Variants in THSD7B observed in about 807,000 individuals in gnomAD.
The protein encoded by THSD7B is thrombospondin type 1 domain containing 7B.
A neutral mutation model predicts 213.6 loss-of-function variants in THSD7B; 138 were observed. That is an observed-to-expected ratio of 0.65 (90% CI 0.56 to 0.74). The LOEUF (loss-of-function observed/expected upper bound fraction) is 0.74, where lower values mean the gene tolerates loss of function less well. Ranked by LOEUF, THSD7B falls within the 30% of genes least tolerant of loss-of-function variation. THSD7B has a pLI of 0.00. For missense variants in THSD7B, 1,931 were observed against 1,991.5 expected, an observed-to-expected ratio of 0.97 and a Z score of 0.58; for synonymous variants, 742 against 687.0, an observed-to-expected ratio of 1.08 and a Z score of -1.25.
chr2:137,242,952 T>C (rs891278096), intron 10 of THSD7B, among the ~76,000 whole-genome samples: 1 of 152,170 alleles, frequency 6.6e-6, no homozygotes, highest in Admixed American at 6.5e-5. Flanking sequence ...CATTAGAATA[T>C]AGGGCTCGAA....
intron 5 of THSD7B, among the ~76,000 whole-genome samples, chr2:137,155,242 C>T (rs973481238): frequency 5.3e-5 from 8 of 152,104 alleles, no homozygotes; most frequent in African/African-American, 1.7e-4. Context: ...GTCTACCAAA[C>T]CTAAATAGCC....
At chr2:136,949,811 T>A (rs34139441) in intron 2 of THSD7B, among the ~76,000 whole-genome samples, 1 of 152,216 alleles carries the variant, frequency 6.6e-6, no homozygotes, top group South Asian at 2.1e-4. Flanking sequence ...AGAAATACCA[T>A]TGGACCCAGC....
intron 5 of THSD7B, among the ~76,000 whole-genome samples, chr2:137,153,883 A>G (rs1365174826): frequency 2.0e-5 from 3 of 152,124 alleles, no homozygotes. Flanking sequence ...CATTAGTTTC[A>G]AATTAAATTT....
chr2:136,929,273 T>C (rs1049525856), intron 2 of THSD7B, among the ~76,000 whole-genome samples: 12 of 152,184 alleles, frequency 7.9e-5, no homozygotes, highest in African/African-American at 2.9e-4. Context: ...GTAAAACAGA[T>C]GGTTGCTTTA....
intron 1 of THSD7B, among the ~76,000 whole-genome samples, chr2:136,818,110 C>A (rs62171211): frequency 0.3 from 43,454 of 146,140 alleles, 6,699 homozygotes; most frequent in Non-Finnish European, 0.34. Flanking sequence ...ATGTTTATTG[C>A]GGCATTATTC....
chr2:136,924,634 T>C (rs544165377), intron 2 of THSD7B, among the ~76,000 whole-genome samples: 24 of 152,224 alleles, frequency 1.6e-4, no homozygotes, highest in Non-Finnish European at 3.4e-4. Flanking sequence ...GCCTTATTTT[T>C]TTTCAAGATT....
At chr2:136,857,370 A>G (rs1276997713) in intron 1 of THSD7B, among the ~76,000 whole-genome samples, 4 of 152,190 alleles carry the variant, frequency 2.6e-5, no homozygotes, top group Non-Finnish European at 5.9e-5. Context: ...TGGTAACCAC[A>G]TGCCTGCGTT....
intron 14 of THSD7B, among the ~76,000 whole-genome samples, chr2:137,433,090 A>T (rs34385125): frequency 0.012 from 1,867 of 152,304 alleles, 18 homozygotes; most frequent in Non-Finnish European, 0.02. Context: ...GTAGTTGAGG[A>T]AGATATTAAG....
chr2:137,184,292 CAT>C (rs2105008472), intron 7 of THSD7B, among the ~76,000 whole-genome samples: 1 of 152,286 alleles, frequency 6.6e-6, no homozygotes, highest in East Asian at 1.9e-4. Context: ...GAGGAGCCCT[CAT>C]AACAAAATCT....
At chr2:137,522,316 C>T (rs762851746) in intron 15 of THSD7B, among the ~76,000 whole-genome samples, 9 of 152,146 alleles carry the variant, frequency 5.9e-5, no homozygotes, top group Non-Finnish European at 1.3e-4. Flanking sequence ...CCCAGCTTTG[C>T]GCTTGTTTCT....
chr2:137,055,959 T>C (rs1455173340), intron 2 of THSD7B, among the ~76,000 whole-genome samples: 7 of 152,238 alleles, frequency 4.6e-5, no homozygotes, highest in Non-Finnish European at 1.0e-4. Context: ...TGAAAAATTC[T>C]ACTTTATTAA....
chr2:137,163,292 T>C lies in THSD7B; in HGVS notation c.1525+2924T>C, dbSNP rs112257779. On this transcript the variant is annotated intron_variant, in intron 6 of 27. Coordinates refer to ENST00000409968, the MANE Select transcript of THSD7B (RefSeq NM_001316349.2). ...AAAGATGTGTTCAAATCCCAACCCCTGGTACATATGAGTAGGATGTTATTT... is the reference window on the plus strand; with the variant it reads ...AAAGATGTGTTCAAATCCCAACCCCCGGTACATATGAGTAGGATGTTATTT... Among the ~76,000 whole-genome samples, 1,336 of 152,280 alleles carry C rather than the reference T, an allele frequency of 8.8e-3. 22 individuals carry two copies. Among genetic ancestry groups the C allele is most frequent in the African/African-American group, 0.03 (1,262 of 41,546 alleles).
At chr2:137,609,719 T>C (rs1469156656) in intron 17 of THSD7B, among the ~76,000 whole-genome samples, 1 of 152,172 alleles carries the variant, frequency 6.6e-6, no homozygotes. Flanking sequence ...AGAGAGGAGT[T>C]AAATAATCTG....
intron 2 of THSD7B, among the ~76,000 whole-genome samples, chr2:136,887,472 G>T (rs1683739255): frequency 6.6e-6 from 1 of 152,068 alleles, no homozygotes; most frequent in Non-Finnish European, 1.5e-5. Flanking sequence ...GGATCATGAG[G>T]GGGGATCCCT....
intron 2 of THSD7B, among the ~76,000 whole-genome samples, chr2:136,904,272 C>A (rs1684117111): frequency 6.6e-6 from 1 of 152,010 alleles, no homozygotes; most frequent in Admixed American, 6.6e-5. Flanking sequence ...TAAGCCTGGG[C>A]AGTGTGGGAA....
At chr2:137,648,027 C>T (rs1363373642) in intron 21 of THSD7B, among the ~76,000 whole-genome samples, 2 of 152,158 alleles carry the variant, frequency 1.3e-5, no homozygotes, top group African/African-American at 4.8e-5. Flanking sequence ...GAAGTGTGAA[C>T]ACCTGACTAA....
chr2:137,564,751 A>G (rs1681197793), intron 16 of THSD7B, among the ~76,000 whole-genome samples: 1 of 152,146 alleles, frequency 6.6e-6, no homozygotes, highest in African/African-American at 2.4e-5. Context: ...ACACACTTGA[A>G]CAAGAAGGCC....
At chr2:136,807,509 G>GTTTTTTTTTTTTTTTTTTTTTT (rs777353589) in intron 1 of THSD7B, among the ~76,000 whole-genome samples, 1 of 104,896 alleles carries the variant, frequency 9.5e-6, no homozygotes, top group African/African-American at 3.7e-5. Flanking sequence ...AAAATGTTTC[G>GTTTTTTTTTTTTTTTTTTTTTT]TTTTTTTTTT....
chr2:137,458,138 G>C (rs916895388), intron 15 of THSD7B, among the ~76,000 whole-genome samples: 6 of 152,120 alleles, frequency 3.9e-5, no homozygotes, highest in African/African-American at 1.4e-4. Flanking sequence ...GCTCTTGTTT[G>C]ATGAAAGGAA....
Sources: allele counts gnomAD v4.1 joint callset (sites outside exome capture counted in the v4.1 genomes callset), GRCh38; gene constraint gnomAD v4.1.1; transcripts MANE v1.5; gene names NCBI Gene and HGNC (gene_info 2026-07-23, HGNC 2026-07-21).